Variants in SNX29 observed in about 807,000 individuals in gnomAD.
SNX29 encodes sorting nexin-29.
Under a neutral mutation model 102.1 loss-of-function variants are expected in SNX29, and 78 were observed. The ratio of observed to expected loss-of-function variants is 0.76; its 90% CI spans 0.64 to 0.92. The LOEUF is 0.92. Ranked by LOEUF, SNX29 falls within the 40% of genes least tolerant of loss-of-function variation. The pLI is 0.00. For missense variants in SNX29, 1,280 were observed against 1,061.7 expected, an observed-to-expected ratio of 1.21 and a Z score of -2.86; for synonymous variants, 580 against 414.5, an observed-to-expected ratio of 1.40 and a Z score of -4.85.
Position 12,004,629 on chromosome 16 carries a change from C to T in SNX29, c.122+1586C>T, listed in dbSNP as rs549778857. ...TCTCATCCTGGAAACTGTTCATGTC[C>T]CCCACCCTCTCACCCTAGCCCACCC... On this transcript the variant is annotated intron_variant, in intron 3 of 20. Coordinates refer to ENST00000566228, the MANE Select transcript of SNX29 (RefSeq NM_032167.5). 9.2e-4 allele frequency among the ~76,000 whole-genome samples: 140 copies of T among 152,202 alleles called. 2 individuals are homozygous for T. The highest frequency in any genetic ancestry group is 2.2e-3 in the Admixed American group (33 of 15,272).
intron 15 of SNX29, among the ~76,000 whole-genome samples, chr16:12,324,424 T>G (rs1314947705): frequency 2.0e-5 from 3 of 151,916 alleles, no homozygotes; most frequent in Admixed American, 1.3e-4. Flanking sequence ...ATTTCAGTGC[T>G]GGCATCTGTT....
intron 15 of SNX29, among the ~76,000 whole-genome samples, chr16:12,307,720 A>G (rs2080384315): frequency 6.6e-6 from 1 of 152,238 alleles, no homozygotes; most frequent in African/African-American, 2.4e-5. Flanking sequence ...GCCTGTCTGC[A>G]CAGTGGTCAA....
At chr16:12,362,996 C>A (rs1175883483) in intron 16 of SNX29, among the ~76,000 whole-genome samples, 1 of 152,118 alleles carries the variant, frequency 6.6e-6, no homozygotes, top group Non-Finnish European at 1.5e-5. Context: ...CTCCTCTGTG[C>A]CATGCTCCCT....
chr16:12,338,352 G>A (rs184151555), intron 15 of SNX29, among the ~76,000 whole-genome samples: 222 of 152,226 alleles, frequency 1.5e-3, no homozygotes, highest in African/African-American at 5.1e-3. Flanking sequence ...AACCCTGGGG[G>A]TAAATAAGGA....
chr16:12,475,740 A>C (rs2087563036), intron 18 of SNX29, among the ~76,000 whole-genome samples: 1 of 152,226 alleles, frequency 6.6e-6, no homozygotes, highest in Admixed American at 6.5e-5. Flanking sequence ...AAAAACATCA[A>C]AATTTGAAGT....
intron 20 of SNX29, among the ~76,000 whole-genome samples, chr16:12,547,612 G>C (rs961648975): frequency 2.0e-5 from 3 of 152,030 alleles, no homozygotes; most frequent in Admixed American, 2.0e-4. Flanking sequence ...GTCAGCCTCA[G>C]CACCACTAAG....
At chr16:12,534,862 C>T (rs982143462) in intron 20 of SNX29, among the ~76,000 whole-genome samples, 3 of 152,128 alleles carry the variant, frequency 2.0e-5, no homozygotes, top group Admixed American at 6.5e-5. Context: ...TTGTCCCAAC[C>T]ATGGGGGACA....
chr16:12,106,823 C>CTT (rs374613785), intron 11 of SNX29, among the ~76,000 whole-genome samples: 1 of 145,252 alleles, frequency 6.9e-6, no homozygotes, highest in African/African-American at 2.5e-5. Flanking sequence ...GTAGTGCTTC[C>CTT]TTTTTTTTTT....
intron 11 of SNX29, among the ~76,000 whole-genome samples, chr16:12,111,353 T>C (rs2053494480): frequency 1.3e-5 from 2 of 152,216 alleles, no homozygotes. Context: ...GCCTGCGTGA[T>C]GTGACCCCTG....
At chr16:12,478,403 GT>G (rs1272846050) in intron 19 of SNX29, among the ~76,000 whole-genome samples, 1 of 152,204 alleles carries the variant, frequency 6.6e-6, no homozygotes, top group Non-Finnish European at 1.5e-5. Flanking sequence ...GGAGTTTGTT[GT>G]TGTTGTTGTT....
chr16:12,553,843 A>G (rs1597975910), intron 20 of SNX29, among the ~76,000 whole-genome samples: 2 of 147,224 alleles, frequency 1.4e-5, no homozygotes, highest in African/African-American at 5.4e-5. Context: ...ACCTAGGTCT[A>G]CCGAAAGTGC....
chr16:12,550,112 T>G (rs2077875553), intron 20 of SNX29, among the ~76,000 whole-genome samples: 1 of 152,250 alleles, frequency 6.6e-6, no homozygotes, highest in Non-Finnish European at 1.5e-5. Flanking sequence ...ATACTGAGGC[T>G]GATGTACACT....
rs9924058 is a variant in SNX29 at position 12,565,962 on chromosome 16, C to G, written c.2319-2544C>G. Among the ~76,000 whole-genome samples the G allele has an allele frequency of 2.9e-3, 438 of 152,316 alleles. 1 individual carries two copies. Among genetic ancestry groups the G allele is most frequent in the African/African-American group, 0.01 (429 of 41,566 alleles). On this transcript the variant is annotated intron_variant, in intron 20 of 20. Transcript: ENST00000566228. ...TCTGCCCTCCCCATCCTCAATGACACTGTGGCTTTCCAAACCTGAGACCAC... is the reference window on the plus strand; with the variant it reads ...TCTGCCCTCCCCATCCTCAATGACAGTGTGGCTTTCCAAACCTGAGACCAC...
At chr16:12,124,366 A>AC (rs199958240) in intron 11 of SNX29, among the ~76,000 whole-genome samples, 6 of 151,786 alleles carry the variant, frequency 4.0e-5, no homozygotes, top group African/African-American at 7.3e-5. Flanking sequence ...AAAAAAAAAA[A>AC]AAAACTGATA....
intron 17 of SNX29, 57 bp from the exon 18 acceptor site, chr16:12,403,391 T>C (rs564435710): frequency 6.6e-7 from 1 of 1,505,074 alleles, no homozygotes. Context: ...TTTTATTTTT[T>C]ATTTTTTTGT....
intron 18 of SNX29, among the ~76,000 whole-genome samples, chr16:12,409,740 A>G (rs2084319401): frequency 6.6e-6 from 1 of 152,162 alleles, no homozygotes; most frequent in Non-Finnish European, 1.5e-5. Context: ...TTCTTCAACT[A>G]TTACAGCCAT....
At chr16:12,230,808 T>C (rs1336005911) in intron 14 of SNX29, among the ~76,000 whole-genome samples, 1 of 147,756 alleles carries the variant, frequency 6.8e-6, no homozygotes, top group African/African-American at 2.6e-5. Context: ...TGTTTCTCCC[T>C]TGTAATAAGT....
chr16:12,307,033 C>T (rs1433616021), intron 15 of SNX29, among the ~76,000 whole-genome samples: 1 of 151,932 alleles, frequency 6.6e-6, no homozygotes, highest in African/African-American at 2.4e-5. Flanking sequence ...ATGGGCCTTA[C>T]AAGGGAGGGG....
In SNX29 at chr16:12,570,947, G is replaced by C. The variant is rs1243275287; in HGVS notation, c.*2318G>C. ...GAGCATGTTCCTGGGAGCCACATGG[G>C]GACCATCCCCAGCTGCCTGCTCCTG... On this transcript the variant is annotated 3_prime_UTR_variant, in exon 21 of 21. Coordinates refer to ENST00000566228, the MANE Select transcript of SNX29 (RefSeq NM_032167.5). The C allele has an allele frequency of 1.3e-5, 3 of 231,818 alleles. No individual in the cohort carries two copies. The highest frequency in any genetic ancestry group is 6.1e-5 in the East Asian group (1 of 16,402). 14.4% of individuals were successfully genotyped at this position (231,818 alleles called of 1,614,324 possible).
Sources: gnomAD v4.1 joint callset for allele counts (sites outside exome capture counted in the v4.1 genomes callset) on GRCh38, gnomAD v4.1.1 for gene constraint, MANE v1.5 for transcripts, NCBI Gene and HGNC (gene_info 2026-07-23, HGNC 2026-07-21) for gene names.